AFG2A: variants seen among roughly 807,000 people sequenced by gnomAD.
AFG2A encodes ATPase family gene 2 protein homolog A.
the AFG2A span, among the ~76,000 whole-genome samples, chr4:123,298,694 G>A: frequency 1.2e-4 from 19 of 152,272 alleles, no homozygotes; most frequent in African/African-American, 4.6e-4. Context: ...TAGCCTTAAA[G>A]TCTTTTCAGG....
the AFG2A span, among the ~76,000 whole-genome samples, chr4:122,994,656 G>A: frequency 1.3e-5 from 2 of 151,436 alleles, no homozygotes; most frequent in Non-Finnish European, 3.0e-5. Flanking sequence ...GGTTCACAAT[G>A]AGCTAATGTA....
At chr4:123,011,858 C>G in the AFG2A span, among the ~76,000 whole-genome samples, 1 of 151,296 alleles carries the variant, frequency 6.6e-6, no homozygotes, top group Non-Finnish European at 1.5e-5. Flanking sequence ...GTGCTTGCCC[C>G]CCTGGAAAGT....
chr4:123,113,829 G>C, the AFG2A span, among the ~76,000 whole-genome samples: 1 of 152,124 alleles, frequency 6.6e-6, no homozygotes, highest in South Asian at 2.1e-4. Context: ...GCTTTATTGA[G>C]TTAGAAAAGC....
the AFG2A span, among the ~76,000 whole-genome samples, chr4:123,093,230 G>T: frequency 2.0e-5 from 3 of 152,168 alleles, no homozygotes; most frequent in Admixed American, 6.5e-5. Flanking sequence ...GTGGTGCAGG[G>T]CTAACTCATA....
the AFG2A span, among the ~76,000 whole-genome samples, chr4:123,179,898 G>A: frequency 6.6e-6 from 1 of 152,076 alleles, no homozygotes; most frequent in South Asian, 2.1e-4. Flanking sequence ...TGATTACAAA[G>A]GAAAGGGAAA....
At chr4:123,305,946 G>T in the AFG2A span, among the ~76,000 whole-genome samples, 1 of 152,312 alleles carries the variant, frequency 6.6e-6, no homozygotes, top group Non-Finnish European at 1.5e-5. Flanking sequence ...ATTTAAAAGT[G>T]AGGTAATTAG....
At chr4:123,231,796 A>G in the AFG2A span, among the ~76,000 whole-genome samples, 1 of 152,010 alleles carries the variant, frequency 6.6e-6, no homozygotes, top group East Asian at 1.9e-4. Context: ...TAATTTCATT[A>G]TTATTGTGTC....
At chr4:123,079,374 A>G in the AFG2A span, among the ~76,000 whole-genome samples, 9 of 152,192 alleles carry the variant, frequency 5.9e-5, no homozygotes, top group Admixed American at 5.2e-4. Flanking sequence ...AGAAATAGAG[A>G]GCATATATAT....
chr4:123,082,981 T>C, the AFG2A span, among the ~76,000 whole-genome samples: 1 of 152,304 alleles, frequency 6.6e-6, no homozygotes, highest in East Asian at 1.9e-4. Flanking sequence ...TATATAAGAA[T>C]GCAGTTACTT....
the AFG2A span, among the ~76,000 whole-genome samples, chr4:123,254,603 A>T: frequency 6.6e-6 from 1 of 152,166 alleles, no homozygotes; most frequent in Non-Finnish European, 1.5e-5. Flanking sequence ...CTTTTTAACC[A>T]CTTTGAGATA....
the AFG2A span, among the ~76,000 whole-genome samples, chr4:123,122,437 A>G: frequency 8.2e-4 from 125 of 152,352 alleles, 1 homozygote; most frequent in African/African-American, 2.9e-3. Flanking sequence ...CTGTTTTATA[A>G]TAAACTATTG....
chr4:123,285,737 T>C, the AFG2A span, among the ~76,000 whole-genome samples: 1 of 152,152 alleles, frequency 6.6e-6, no homozygotes, highest in Admixed American at 6.6e-5. Context: ...GTCAGACAGA[T>C]ATGGATTTAA....
At chr4:123,265,400 A>G in the AFG2A span, among the ~76,000 whole-genome samples, 4 of 152,256 alleles carry the variant, frequency 2.6e-5, no homozygotes, top group East Asian at 3.8e-4. Context: ...TAAAACTTCA[A>G]TGTATGGAGA....
the AFG2A span, among the ~76,000 whole-genome samples, chr4:123,083,499 G>T: frequency 2.6e-5 from 4 of 151,260 alleles, no homozygotes; most frequent in Admixed American, 6.6e-5. Context: ...ATGTTTTCAA[G>T]TGTTAAACTA....
At chr4:123,286,315 T>G in the AFG2A span, among the ~76,000 whole-genome samples, 1 of 152,236 alleles carries the variant, frequency 6.6e-6, no homozygotes, top group Non-Finnish European at 1.5e-5. Flanking sequence ...GTCTTTAAAT[T>G]TTAAATTTTA....
At chr4:123,189,969 A>G in the AFG2A span, among the ~76,000 whole-genome samples, 3 of 151,280 alleles carry the variant, frequency 2.0e-5, no homozygotes, top group Non-Finnish European at 4.4e-5. Flanking sequence ...CACCTGGCTA[A>G]TTTATTTTTT....
the AFG2A span, among the ~76,000 whole-genome samples, chr4:123,157,308 G>A: frequency 6.6e-6 from 1 of 152,028 alleles, no homozygotes; most frequent in Non-Finnish European, 1.5e-5. Context: ...ACTGGTGTGA[G>A]CCACCGCACC....
chr4:123,194,630 A>G, the AFG2A span, among the ~76,000 whole-genome samples: 1 of 152,228 alleles, frequency 6.6e-6, no homozygotes, highest in East Asian at 1.9e-4. Flanking sequence ...GAAAATTTCA[A>G]AAAGATTTAA....
chr4:123,124,568 C>T, the AFG2A span, among the ~76,000 whole-genome samples: 3 of 152,204 alleles, frequency 2.0e-5, no homozygotes, highest in South Asian at 2.1e-4. Flanking sequence ...AGCACACCAA[C>T]ATGGCACATG....
Sources: gnomAD v4.1 joint callset for allele counts (sites outside exome capture counted in the v4.1 genomes callset) on GRCh38, gnomAD v4.1.1 for gene constraint, MANE v1.5 for transcripts, NCBI Gene and HGNC (gene_info 2026-07-23, HGNC 2026-07-21) for gene names.